MYO5B: variants seen among roughly 807,000 people sequenced by gnomAD.
MYO5B encodes unconventional myosin-Vb.
In MYO5B, 143 loss-of-function variants were observed where a neutral mutation model predicts 229.3. The ratio of observed to expected loss-of-function variants is 0.62; its 90% CI spans 0.54 to 0.72. The LOEUF (loss-of-function observed/expected upper bound fraction) is 0.72, where lower values mean the gene tolerates loss of function less well. Among genes scored for constraint, MYO5B ranks in the 30% least tolerant of loss-of-function variants. MYO5B has a pLI of 0.00. For synonymous variants in MYO5B, 918 were observed against 885.2 expected (o/e 1.04, Z -0.66); for missense variants, 2,321 against 2,331.0 (o/e 1.00, Z 0.09).
intron 1 of MYO5B, among the ~76,000 whole-genome samples, chr18:50,092,256 T>C (rs564551065): frequency 6.6e-6 from 1 of 152,296 alleles, no homozygotes; most frequent in African/African-American, 2.4e-5. Flanking sequence ...AAAACTGTAG[T>C]AGCAGATGCA....
intron 4 of MYO5B, among the ~76,000 whole-genome samples, chr18:50,033,339 T>C (rs2026411040): frequency 6.6e-6 from 1 of 152,120 alleles, no homozygotes; most frequent in South Asian, 2.1e-4. Flanking sequence ...AAGACCCAGC[T>C]AAAATCCTAG....
chr18:49,966,929 A>G (rs1196605944), intron 10 of MYO5B, among the ~76,000 whole-genome samples: 2 of 152,372 alleles, frequency 1.3e-5, no homozygotes, highest in Middle Eastern at 3.4e-3. Context: ...TTACAATGGA[A>G]TTATATTTAT....
At chr18:49,951,862 CT>C (rs1364932824) in intron 14 of MYO5B, among the ~76,000 whole-genome samples, 1 of 152,148 alleles carries the variant, frequency 6.6e-6, no homozygotes, top group Non-Finnish European at 1.5e-5. Context: ...TTCCCTGTGC[CT>C]TGGGGCTCCT....
intron 1 of MYO5B, among the ~76,000 whole-genome samples, chr18:50,131,232 T>C (rs2032249583): frequency 6.6e-6 from 1 of 152,216 alleles, no homozygotes; most frequent in Admixed American, 6.5e-5. Context: ...AGTCCTAATT[T>C]GAAAACTATT....
chr18:50,099,319 G>A (rs368853585), intron 1 of MYO5B, among the ~76,000 whole-genome samples: 30 of 152,358 alleles, frequency 2.0e-4, no homozygotes, highest in African/African-American at 7.2e-4. Flanking sequence ...CAGGTAGAGT[G>A]GGACAGGATC....
intron 1 of MYO5B, among the ~76,000 whole-genome samples, chr18:50,181,262 T>A (rs1419801860): frequency 6.6e-6 from 1 of 152,232 alleles, no homozygotes; most frequent in Non-Finnish European, 1.5e-5. Flanking sequence ...ATTCTGTCTT[T>A]AAATTGTTAA....
intron 12 of MYO5B, among the ~76,000 whole-genome samples, chr18:49,955,135 A>G (rs1382494089): frequency 6.6e-6 from 1 of 152,240 alleles, no homozygotes; most frequent in East Asian, 1.9e-4. Context: ...CCATGCAGTG[A>G]GAACTAAGTA....
At chr18:50,134,124 A>C (rs2032297569) in intron 1 of MYO5B, among the ~76,000 whole-genome samples, 1 of 152,240 alleles carries the variant, frequency 6.6e-6, no homozygotes, top group Admixed American at 6.5e-5. Context: ...CAAAGGCAGA[A>C]GGAAAACATC....
intron 22 of MYO5B, among the ~76,000 whole-genome samples, chr18:49,891,371 C>T (rs1456437123): frequency 6.6e-6 from 1 of 152,182 alleles, no homozygotes; most frequent in African/African-American, 2.4e-5. Flanking sequence ...TTGTTTGTAG[C>T]CCTTGGGGGG....
chr18:50,102,129 C>T (rs2031667194), intron 1 of MYO5B, among the ~76,000 whole-genome samples: 1 of 152,136 alleles, frequency 6.6e-6, no homozygotes, highest in African/African-American at 2.4e-5. Context: ...AGCCATCATT[C>T]TCAGCACACT....
chr18:49,900,977 T>A (rs569571515), intron 21 of MYO5B, among the ~76,000 whole-genome samples: 80 of 152,344 alleles, frequency 5.3e-4, no homozygotes, highest in African/African-American at 1.9e-3. Context: ...ACTTTCTATT[T>A]ATGTGACTTT....
At chr18:49,909,236 A>G (rs547655839) in intron 18 of MYO5B, among the ~76,000 whole-genome samples, 1 of 152,314 alleles carries the variant, frequency 6.6e-6, no homozygotes, top group Admixed American at 6.5e-5. Flanking sequence ...GCCCAAGAAG[A>G]GGAGAAAAAT....
In MYO5B at chr18:50,036,954, T is replaced by G. The variant is rs1162657699; in HGVS notation, c.351A>C (p.Pro117=). The G allele has an allele frequency of 3.7e-6, 6 of 1,614,044 alleles. No individual in the cohort carries two copies. Among genetic ancestry groups the G allele is most frequent in the Non-Finnish European group, 5.1e-6 (6 of 1,180,032 alleles). ...TATAGATGACATCTTGTCCATAGAT[T>G]GGCAACTGTTCATAAGGATTAATGG... ...LVAINPYEQL[P]IYGQDVIYTY... is the part of the protein sequence containing the mutation. Residue 117 remains proline, a synonymous_variant, in exon 4 of 40, where the codon CCA becomes CCC. Transcript: ENST00000285039.
At chr18:49,890,852 A>C (rs16951174) in intron 22 of MYO5B, among the ~76,000 whole-genome samples, 1,961 of 152,320 alleles carry the variant, frequency 0.013, 44 homozygotes, top group African/African-American at 0.046. Context: ...GCATAGTATA[A>C]ATTTGTTTTT....
chr18:49,905,457 T>C (rs1039856203), intron 19 of MYO5B, among the ~76,000 whole-genome samples: 18 of 152,166 alleles, frequency 1.2e-4, no homozygotes, highest in African/African-American at 4.3e-4. Flanking sequence ...TGAAGGGTCT[T>C]GTTTGCTGCC....
intron 1 of MYO5B, among the ~76,000 whole-genome samples, chr18:50,142,513 G>A (rs956630982): frequency 2.0e-5 from 3 of 152,180 alleles, no homozygotes; most frequent in Non-Finnish European, 4.4e-5. Context: ...AGGGCTGAAG[G>A]GGATCTGATT....
intron 14 of MYO5B, among the ~76,000 whole-genome samples, chr18:49,943,794 A>G (rs1288260189): frequency 6.6e-6 from 1 of 152,374 alleles, no homozygotes; most frequent in Admixed American, 6.5e-5. Flanking sequence ...AATTAAAAAC[A>G]TAATGACAAG....
chr18:49,864,188 T>G lies in MYO5B; in HGVS notation c.3796A>C (p.Thr1266Pro), dbSNP rs1383742300. The stretch of plus-strand genomic sequence containing the variant: ...CGCTGGTCGGCGCTCACGATCTGGG[T>G]CCTGAGGATGAGCACCTCCTCCTTG... ...VRKEEVLILRTQIVSADQRRL... is the reference protein window; with the variant it reads ...VRKEEVLILRPQIVSADQRRL... The change falls in exon 28 of 40, where the codon ACC becomes CCC. Residue 1266 changes from threonine to proline, a missense_variant. Thr to Pro is a conservative substitution (Grantham distance 38). Transcript: ENST00000285039. The G allele has an allele frequency of 6.2e-7, 1 of 1,613,032 alleles. No homozygotes were observed. Among genetic ancestry groups the G allele is most frequent in the Non-Finnish European group, 8.5e-7 (1 of 1,180,020 alleles).
chr18:50,071,784 T>C (rs906241582), intron 1 of MYO5B, among the ~76,000 whole-genome samples: 24 of 152,252 alleles, frequency 1.6e-4, no homozygotes, highest in African/African-American at 5.3e-4. Flanking sequence ...GTTAAATGAA[T>C]ACAGTGTTTT....
Sources: gnomAD v4.1 joint callset for allele counts (sites outside exome capture counted in the v4.1 genomes callset) on GRCh38, gnomAD v4.1.1 for gene constraint, MANE v1.5 for transcripts, NCBI Gene and HGNC (gene_info 2026-07-23, HGNC 2026-07-21) for gene names.